DTL: variants seen among roughly 807,000 people sequenced by gnomAD.
DTL encodes the protein denticleless E3 ubiquitin protein ligase adapter, also known as denticleless protein homolog.
A neutral mutation model predicts 87.0 loss-of-function variants in DTL; 46 were observed. The observed-to-expected ratio is 0.53, with a 90% CI of 0.42 to 0.68. The LOEUF is 0.68. DTL is among the 30% of genes least tolerant of loss of function. The pLI is 0.00. For synonymous variants in DTL, 308 were observed against 311.2 expected (o/e 0.99, Z 0.11); for missense variants, 737 against 869.4 (o/e 0.85, Z 1.91).
At chr1:212,060,758 A>C (rs968126228) in intron 5 of DTL, among the ~76,000 whole-genome samples, 1 of 151,294 alleles carries the variant, frequency 6.6e-6, no homozygotes, top group Admixed American at 6.6e-5. Context: ...AAAAATCAAG[A>C]TGGAGTATAA....
intron 13 of DTL, among the ~76,000 whole-genome samples, chr1:212,096,327 G>A (rs527563805): frequency 6.7e-6 from 1 of 148,932 alleles, no homozygotes; most frequent in Non-Finnish European, 1.5e-5. Flanking sequence ...CCAGCTTTTT[G>A]TTTCATTTAT....
At chr1:212,066,992 A>G in intron 8 of DTL, 107 bp downstream of exon 8, 2 of 914,020 alleles carry the variant, frequency 2.2e-6, no homozygotes, top group South Asian at 3.1e-5. Context: ...TCAACTGTCA[A>G]CATAGCAAGT....
In DTL at chr1:212,072,112, A is replaced by C; in HGVS notation, c.934A>C (p.Asn312His). 1 of 1,613,902 alleles carries C rather than the reference A, an allele frequency of 6.2e-7. No homozygotes were observed. The change falls in exon 11 of 15, where the codon AAT (asparagine) becomes CAT (histidine). Residue 312 changes from asparagine to histidine, a missense_variant. Physicochemically the swap from Asn to His is moderately conservative, Grantham distance 68. Coordinates refer to ENST00000366991, the MANE Select transcript of DTL (RefSeq NM_016448.4). ...TTTTCCTCTGGCAGTGGCTATTTTC[A>C]ATGGACACCAGAACTCTACCTTTTA... is the stretch of plus-strand genomic sequence containing the variant. Reference protein sequence around the residue: ...GLKTSPVAIFNGHQNSTFYVK... With the variant: ...GLKTSPVAIFHGHQNSTFYVK...
intron 5 of DTL, among the ~76,000 whole-genome samples, chr1:212,061,628 GAT>G (rs1414246781): frequency 6.6e-6 from 1 of 152,054 alleles, no homozygotes; most frequent in Non-Finnish European, 1.5e-5. Flanking sequence ...CAATAGCCAA[GAT>G]ATGGAATCAA....
At chr1:212,046,473 G>A (rs1338183739) in intron 3 of DTL, among the ~76,000 whole-genome samples, 3 of 152,102 alleles carry the variant, frequency 2.0e-5, no homozygotes, top group Admixed American at 1.3e-4. Flanking sequence ...CCCAGTGTGT[G>A]TTGTTCCCCT....
intron 10 of DTL, among the ~76,000 whole-genome samples, chr1:212,069,548 A>AAT (rs1407221535): frequency 1.4e-5 from 2 of 144,566 alleles, no homozygotes; most frequent in African/African-American, 5.0e-5. Flanking sequence ...ATAGATATAA[A>AAT]TTTTTTTTTT....
chr1:212,081,872 AT>A (rs1183904485), intron 13 of DTL, among the ~76,000 whole-genome samples: 2 of 152,194 alleles, frequency 1.3e-5, no homozygotes, highest in Non-Finnish European at 2.9e-5. Context: ...ATGTTGTTTG[AT>A]ATGATTATTA....
chr1:212,038,311 G>A lies in DTL; in HGVS notation c.52+2369G>A, dbSNP rs142512020. 5.8e-3 allele frequency among the ~76,000 whole-genome samples: 890 copies of A among 152,312 alleles called. 8 individuals are homozygous for A. The highest frequency in any genetic ancestry group is 0.012 in the South Asian group (56 of 4,826). ...TGTTATTGGAAGACTTCCTGTACCT[G>A]AGATTCATTTCTATAAAAGCTGTGT... is the stretch of plus-strand genomic sequence containing the variant. On this transcript the variant is annotated intron_variant, in intron 1 of 14. Transcript: ENST00000366991.
intron 2 of DTL, 45 bp from the exon 3 acceptor site, chr1:212,044,615 A>G (rs1233239707): frequency 7.7e-7 from 1 of 1,301,446 alleles, no homozygotes; most frequent in Non-Finnish European, 1.1e-6. Flanking sequence ...AAAAAAAAAA[A>G]AAATTGTGTT....
chr1:212,093,352 G>T (rs1005322842), intron 13 of DTL, among the ~76,000 whole-genome samples: 1 of 152,202 alleles, frequency 6.6e-6, no homozygotes, highest in Non-Finnish European at 1.5e-5. Context: ...GTGTTAACCA[G>T]CTCTATTAGA....
At position 212,102,853 on chromosome 1, in the gene DTL, G is replaced by A. The variant is rs943682428; in HGVS notation, c.2106G>A (p.Thr702=). ...GKKLPSPVTI[T]PSSMRKICTY... ...CTTTCTTCTTCTAGGTCACCATCAC[G>A]CCCAGCTCCATGAGGAAAATCTGCA... Residue 702 remains threonine, a synonymous_variant, in exon 15 of 15, where the codon ACG becomes ACA. Transcript: ENST00000366991. 6.2e-6 allele frequency: 10 copies of A among 1,610,782 alleles called. No individual in the cohort carries two copies. The highest frequency in any genetic ancestry group is 2.2e-5 in the South Asian group (2 of 90,842).
chr1:212,100,478 T>C lies in DTL; in HGVS notation c.1488T>C (p.Ser496=). The C allele has an allele frequency of 6.2e-7, 1 of 1,614,004 alleles. No individual in the cohort carries two copies. The highest frequency in any genetic ancestry group is 2.2e-5 in the East Asian group (1 of 44,862). Reference sequence around the variant, plus strand: ...CCGTCTCTCCCAAGCCACCTTCATCTTTCAAGATGTCGATTAGAAACTGGG... The same window carrying C: ...CCGTCTCTCCCAAGCCACCTTCATCCTTCAAGATGTCGATTAGAAACTGGG... ...VSSVSPKPPS[S]FKMSIRNWVT... Residue 496 remains serine (S), a synonymous_variant, in exon 14 of 15, where the codon TCT becomes TCC. Transcript: ENST00000366991.
At chr1:212,075,767 A>G (rs993289232) in intron 11 of DTL, among the ~76,000 whole-genome samples, 2 of 152,174 alleles carry the variant, frequency 1.3e-5, no homozygotes, top group African/African-American at 4.8e-5. Flanking sequence ...AAAGTTTACA[A>G]TGGAGTAGTT....
intron 7 of DTL, among the ~76,000 whole-genome samples, chr1:212,065,541 TACACACACAGACACAA>T (rs1414782940): frequency 1.3e-5 from 2 of 152,004 alleles, no homozygotes; most frequent in South Asian, 2.1e-4. Context: ...AAAATCTCTC[TACACACACAGACACAA>T]ACACACACAC....
intron 14 of DTL, among the ~76,000 whole-genome samples, chr1:212,102,087 G>A (rs1452304262): frequency 1.3e-5 from 2 of 152,152 alleles, no homozygotes; most frequent in African/African-American, 4.8e-5. Flanking sequence ...AGTTTAAAAA[G>A]TGTTCATAAC....
chr1:212,073,130 T>G (rs1029203038), intron 11 of DTL, among the ~76,000 whole-genome samples: 3 of 152,170 alleles, frequency 2.0e-5, no homozygotes, highest in African/African-American at 7.2e-5. Context: ...GCTAAGAAAT[T>G]TAAAGCTGTC....
At chr1:212,047,650 G>A (rs1558071936) in intron 5 of DTL, among the ~76,000 whole-genome samples, 4 of 152,032 alleles carry the variant, frequency 2.6e-5, no homozygotes, top group Admixed American at 1.3e-4. Flanking sequence ...ATTCTCCTGC[G>A]TCAGCCTCCG....
chr1:212,035,775 G>A lies in DTL; in HGVS notation c.-116G>A. On this transcript the variant is annotated 5_prime_UTR_variant, in exon 1 of 15. Transcript: ENST00000366991. The stretch of plus-strand genomic sequence containing the variant: ...AGTTTGGCGGCCGGGGCTTACAGTG[G>A]CGGGAGTTGGAGGCGATAACGATTT... 1.0e-6 allele frequency: 1 copy of A among 975,332 alleles called. No homozygotes were observed. Among genetic ancestry groups the A allele is most frequent in the Non-Finnish European group, 1.6e-6 (1 of 640,384 alleles). 60.4% of individuals were successfully genotyped at this position (975,332 alleles called of 1,614,324 possible). A position where few individuals can be genotyped will look rare whatever the true frequency, so the allele number is the denominator to read the frequency against.
At chr1:212,042,628 T>A (rs575388779) in intron 1 of DTL, among the ~76,000 whole-genome samples, 1 of 152,252 alleles carries the variant, frequency 6.6e-6, no homozygotes, top group Admixed American at 6.5e-5. Flanking sequence ...AAGAATTTAA[T>A]TGAAGGGGAT....
Sources: allele counts gnomAD v4.1 joint callset (sites outside exome capture counted in the v4.1 genomes callset), GRCh38; gene constraint gnomAD v4.1.1; transcripts MANE v1.5; gene names NCBI Gene and HGNC (gene_info 2026-07-23, HGNC 2026-07-21).